The following RGPD2 variants were observed in gnomAD, a reference collection of about 807,000 sequenced individuals.
The protein encoded by RGPD2 is RANBP2 like and GRIP domain containing 2.
In RGPD2, 2 loss-of-function variants were observed where a neutral mutation model predicts 36.0. That is an observed-to-expected ratio of 0.06 (90% CI 0.02 to 0.17). RGPD2 has a LOEUF of 0.17. Among genes scored for constraint, RGPD2 ranks in the 10% least tolerant of loss-of-function variants. The pLI, the probability that RGPD2 is intolerant of heterozygous loss-of-function variation, is 1.00. For missense variants in RGPD2, 40 were observed against 464.3 expected (o/e 0.09, Z 8.40); for synonymous variants, 19 against 163.8 (o/e 0.12, Z 6.75).
chr2:87,841,317 C>A, the RGPD2 span, among the ~76,000 whole-genome samples: 2 of 152,078 alleles, frequency 1.3e-5, no homozygotes, highest in South Asian at 4.1e-4. Context: ...GACTCTGAAG[C>A]TGAGCAGTTG....
the RGPD2 span, among the ~76,000 whole-genome samples, chr2:87,937,003 A>AT: frequency 4.8e-5 from 7 of 145,836 alleles, no homozygotes; most frequent in African/African-American, 1.9e-4. Context: ...TGGAAGCACT[A>AT]TGGAAGATAA....
At chr2:87,809,764 G>T (rs1283601152) in intron 6 of RGPD2, among the ~76,000 whole-genome samples, 1 of 151,500 alleles carries the variant, frequency 6.6e-6, no homozygotes, top group African/African-American at 2.4e-5. Flanking sequence ...CCCCCTCATG[G>T]TCCGGATTCT....
intron 22 of RGPD2, among the ~76,000 whole-genome samples, chr2:87,758,508 C>CT (rs1246773497): frequency 2.9e-5 from 3 of 104,018 alleles, no homozygotes; most frequent in South Asian, 3.8e-4. Context: ...GGCTCTCTGT[C>CT]TAAGACTTGG....
At chr2:87,902,490 GCAACT>G in the RGPD2 span, among the ~76,000 whole-genome samples, 1 of 146,490 alleles carries the variant, frequency 6.8e-6, no homozygotes, top group Non-Finnish European at 1.5e-5. Flanking sequence ...TAATGCATTT[GCAACT>G]ATGATTTTGT....
the RGPD2 span, among the ~76,000 whole-genome samples, chr2:87,874,095 T>A: frequency 1.3e-5 from 2 of 149,096 alleles, no homozygotes; most frequent in Admixed American, 6.6e-5. Context: ...TATTTAAGTT[T>A]CCCCTAGACC....
intron 1 of RGPD2, chr2:87,824,856 G>GGCCGAGGCC (rs1361602677): frequency 1.3e-5 from 1 of 79,678 alleles, no homozygotes; most frequent in Non-Finnish European, 2.5e-5. Context: ...GCCAGGCCGA[G>GGCCGAGGCC]GCCGAGGCCG....
At chr2:87,930,832 G>GT in the RGPD2 span, among the ~76,000 whole-genome samples, 8,826 of 136,742 alleles carry the variant, frequency 0.065, 390 homozygotes, top group South Asian at 0.1. Flanking sequence ...ATTTCTTCCA[G>GT]TTTTTTTTTT....
the RGPD2 span, among the ~76,000 whole-genome samples, chr2:87,837,322 A>G: frequency 1.3e-5 from 2 of 151,940 alleles, no homozygotes; most frequent in African/African-American, 4.8e-5. Context: ...ACACAGTCAT[A>G]AAGCAATTCT....
At chr2:87,986,214 C>A in the RGPD2 span, among the ~76,000 whole-genome samples, 2 of 150,130 alleles carry the variant, frequency 1.3e-5, no homozygotes, top group East Asian at 2.0e-4. Context: ...TGGCACACTG[C>A]AACTTCTGCC....
At chr2:87,954,994 CTTTTTTTTTTTT>C in the RGPD2 span, among the ~76,000 whole-genome samples, 313 of 19,192 alleles carry the variant, frequency 0.016, 25 homozygotes, top group Middle Eastern at 0.031. Context: ...CTGCTTGAAA[CTTTTTTTTTTTT>C]TTTTTTTTTT....
intron 22 of RGPD2, among the ~76,000 whole-genome samples, chr2:87,760,865 C>A (rs1684868759): frequency 6.8e-6 from 1 of 147,654 alleles, no homozygotes; most frequent in Admixed American, 6.7e-5. Context: ...GATCTGCCCG[C>A]CTCGGCCTCC....
At chr2:87,845,944 T>C in the RGPD2 span, among the ~76,000 whole-genome samples, 2 of 151,792 alleles carry the variant, frequency 1.3e-5, no homozygotes, top group African/African-American at 2.4e-5. Context: ...TTATTGTGAT[T>C]TTATTTTCTT....
chr2:87,866,976 GA>G, the RGPD2 span, among the ~76,000 whole-genome samples: 1 of 152,206 alleles, frequency 6.6e-6, no homozygotes, highest in Admixed American at 6.5e-5. Flanking sequence ...CACCTAAATC[GA>G]TTTTTTTTCT....
At chr2:87,824,962 C>A in intron 1 of RGPD2, 1 of 387,110 alleles carries the variant, frequency 2.6e-6, no homozygotes, top group Non-Finnish European at 4.6e-6. Context: ...TAAATACTAC[C>A]GTATGGCCCA....
the RGPD2 span, among the ~76,000 whole-genome samples, chr2:87,919,115 A>T: frequency 6.6e-6 from 1 of 151,586 alleles, no homozygotes; most frequent in Non-Finnish European, 1.5e-5. Flanking sequence ...ATTCAAAAGC[A>T]TCAAAAATAC....
intron 4 of RGPD2, among the ~76,000 whole-genome samples, chr2:87,813,141 A>T (rs1345473337): frequency 2.0e-5 from 3 of 152,250 alleles, no homozygotes; most frequent in Non-Finnish European, 4.4e-5. Flanking sequence ...AACACATATA[A>T]ATACACACAC....
chr2:87,812,779 T>A (rs1686143422), intron 4 of RGPD2, among the ~76,000 whole-genome samples: 1 of 137,356 alleles, frequency 7.3e-6, no homozygotes, highest in Admixed American at 7.5e-5. Context: ...TGCTCTTCCA[T>A]CAGCCTCTCA....
At chr2:87,919,158 A>T in the RGPD2 span, among the ~76,000 whole-genome samples, 2 of 151,992 alleles carry the variant, frequency 1.3e-5, no homozygotes, top group African/African-American at 2.4e-5. Flanking sequence ...GAAATACCAA[A>T]ATTTATGATA....
chr2:87,984,888 C>T, the RGPD2 span, among the ~76,000 whole-genome samples: 1,076 of 148,156 alleles, frequency 7.3e-3, 11 homozygotes, highest in African/African-American at 0.026. Context: ...TGAGATTGTG[C>T]CATTGCACTC....
Sources: allele counts gnomAD v4.1 joint callset (sites outside exome capture counted in the v4.1 genomes callset), GRCh38; gene constraint gnomAD v4.1.1; transcripts MANE v1.5; gene names NCBI Gene and HGNC (gene_info 2026-07-23, HGNC 2026-07-21).